The following RARB variants were observed in gnomAD, a reference collection of about 807,000 sequenced individuals.
RARB encodes retinoic acid receptor beta, also known as HBV-activated protein.
In RARB, 17 loss-of-function variants were observed where a neutral mutation model predicts 51.9. That is an observed-to-expected ratio of 0.33 (90% CI 0.22 to 0.49). RARB has a LOEUF of 0.49. RARB is among the 20% of genes least tolerant of loss of function. The probability of loss-of-function intolerance (pLI) is 0.99; values close to 1 mark genes in which losing one functional copy is unlikely to be tolerated. For synonymous variants in RARB, 215 were observed against 195.4 expected (o/e 1.10, Z -0.84); for missense variants, 369 against 550.8 (o/e 0.67, Z 3.30).
At chr3:25,318,644 A>G (rs1704487275) in intron 5 of RARB, among the ~76,000 whole-genome samples, 1 of 152,170 alleles carries the variant, frequency 6.6e-6, no homozygotes, top group Non-Finnish European at 1.5e-5. Flanking sequence ...GATCTGCTCA[A>G]GTCCTTATTA....
intron 3 of RARB, among the ~76,000 whole-genome samples, chr3:25,072,046 G>A (rs772956613): frequency 5.9e-5 from 9 of 152,186 alleles, no homozygotes; most frequent in Non-Finnish European, 5.9e-5. Context: ...TTTGCCCTGT[G>A]GCGGTTCTTA....
At chr3:25,171,779 GC>G (rs1279020455) in intron 4 of RARB, among the ~76,000 whole-genome samples, 1 of 151,834 alleles carries the variant, frequency 6.6e-6, no homozygotes, top group Admixed American at 6.6e-5. Context: ...ACAATGCTAT[GC>G]TTTGTGTGTG....
intron 3 of RARB, among the ~76,000 whole-genome samples, chr3:25,086,430 T>G (rs1460334103): frequency 6.6e-6 from 1 of 152,208 alleles, no homozygotes; most frequent in Non-Finnish European, 1.5e-5. Flanking sequence ...AGGACATTTT[T>G]TCTCAGAAAA....
chr3:25,094,202 A>G (rs917004067), intron 3 of RARB, among the ~76,000 whole-genome samples: 1 of 152,174 alleles, frequency 6.6e-6, no homozygotes, highest in East Asian at 1.9e-4. Flanking sequence ...GGTCTATTCA[A>G]TGCTGTTTTC....
At chr3:24,926,890 C>T (rs1351659188) in intron 2 of RARB, among the ~76,000 whole-genome samples, 1 of 152,020 alleles carries the variant, frequency 6.6e-6, no homozygotes, top group South Asian at 2.1e-4. Context: ...CAAATGTGCT[C>T]ATCTTAAGAA....
intron 2 of RARB, among the ~76,000 whole-genome samples, chr3:24,901,586 C>G (rs938475582): frequency 6.6e-6 from 1 of 152,138 alleles, no homozygotes; most frequent in Non-Finnish European, 1.5e-5. Flanking sequence ...TTATCAAAGC[C>G]TTTGGTAATC....
chr3:25,466,118 T>C lies in RARB; in HGVS notation c.306+4777T>C, dbSNP rs1410878530. ...ATGTTTTTACTATGTATAAAGCATA[T>C]AGAATAGTACCTAGCACATAGTAAG... On this transcript the variant is annotated intron_variant, in intron 2 of 7. Coordinates refer to ENST00000330688, the MANE Select transcript of RARB (RefSeq NM_000965.5). Among the ~76,000 whole-genome samples, 5 of 152,204 alleles carry C rather than the reference T, an allele frequency of 3.3e-5. No individual in the cohort carries two copies. The East Asian group carries it at 9.6e-4, about 29-fold the overall frequency.
At chr3:25,446,804 A>C (rs1415856738) in intron 1 of RARB, among the ~76,000 whole-genome samples, 1 of 31,244 alleles carries the variant, frequency 3.2e-5, no homozygotes, top group African/African-American at 6.6e-5. Context: ...CTCCGTCTCA[A>C]AAAAAAAAAA....
intron 4 of RARB, among the ~76,000 whole-genome samples, chr3:25,159,761 GAGA>G (rs1200474725): frequency 6.6e-6 from 1 of 152,152 alleles, no homozygotes. Flanking sequence ...CAGAGTTAGG[GAGA>G]AGAAGGCATT....
intron 5 of RARB, among the ~76,000 whole-genome samples, chr3:25,223,339 T>C (rs1701987461): frequency 6.6e-6 from 1 of 152,252 alleles, no homozygotes; most frequent in Non-Finnish European, 1.5e-5. Context: ...GAACAGTATT[T>C]CATTAGGATT....
intron 1 of RARB, among the ~76,000 whole-genome samples, chr3:25,448,710 G>A (rs1006837256): frequency 3.9e-5 from 6 of 152,222 alleles, no homozygotes; most frequent in East Asian, 1.9e-4. Flanking sequence ...CAGGTGATCC[G>A]CCTGTCTTGG....
At chr3:25,425,609 T>C (rs1022950785), upstream of RARB, among the ~76,000 whole-genome samples, 3 of 152,178 alleles carry the variant, frequency 2.0e-5, no homozygotes, top group Admixed American at 2.0e-4. Context: ...AGTTGAGAAC[T>C]TCAAGGTAAT....
intron 3 of RARB, among the ~76,000 whole-genome samples, chr3:25,508,400 C>G (rs1389310884): frequency 1.3e-5 from 2 of 152,146 alleles, no homozygotes; most frequent in Non-Finnish European, 2.9e-5. Flanking sequence ...TACTGTTAAA[C>G]TTAGATTAAA....
chr3:25,105,283 A>T (rs2125322881), intron 3 of RARB, among the ~76,000 whole-genome samples: 1 of 152,252 alleles, frequency 6.6e-6, no homozygotes, highest in South Asian at 2.1e-4. Flanking sequence ...ATGTGCATTC[A>T]GGCTTCTCTG....
At chr3:25,029,418 T>C (rs1484389644) in intron 2 of RARB, among the ~76,000 whole-genome samples, 5 of 152,206 alleles carry the variant, frequency 3.3e-5, no homozygotes, top group Non-Finnish European at 7.3e-5. Context: ...AGTGAATTGG[T>C]CTTGAACTTG....
intron 3 of RARB, among the ~76,000 whole-genome samples, chr3:25,060,769 A>AAGGT (rs1698532872): frequency 6.6e-6 from 1 of 151,918 alleles, no homozygotes; most frequent in South Asian, 2.1e-4. Context: ...GACCTTGGTT[A>AAGGT]AGGTAGGTAG....
At chr3:25,273,134 A>C (rs1703292832) in intron 5 of RARB, among the ~76,000 whole-genome samples, 1 of 152,182 alleles carries the variant, frequency 6.6e-6, no homozygotes, top group Non-Finnish European at 1.5e-5. Context: ...CAGGATGACA[A>C]ATTCTAAACA....
chr3:25,368,557 G>T (rs1024047370), intron 5 of RARB, among the ~76,000 whole-genome samples: 2 of 152,156 alleles, frequency 1.3e-5, no homozygotes, highest in Non-Finnish European at 2.9e-5. Flanking sequence ...AATGAAAGAG[G>T]TGGCAATGTG....
intron 3 of RARB, among the ~76,000 whole-genome samples, chr3:25,065,814 A>G (rs2125305876): frequency 6.6e-6 from 1 of 152,314 alleles, no homozygotes; most frequent in East Asian, 1.9e-4. Context: ...AATGGTGGCC[A>G]TTGGCTCTGA....
Sources: allele counts gnomAD v4.1 joint callset (sites outside exome capture counted in the v4.1 genomes callset), GRCh38; gene constraint gnomAD v4.1.1; transcripts MANE v1.5; gene names NCBI Gene and HGNC (gene_info 2026-07-23, HGNC 2026-07-21).